XKR4: variants seen among roughly 807,000 people sequenced by gnomAD.
XKR4 encodes the protein XK related 4, also known as XK-related protein 4.
XKR4 carries 12 observed loss-of-function variants against 53.9 expected under a neutral mutation model. The observed-to-expected ratio is 0.22, with a 90% CI of 0.14 to 0.36. XKR4 has a LOEUF of 0.36. XKR4 is among the 10% of genes least tolerant of loss of function. The pLI is 1.00. For missense variants in XKR4, 799 were observed against 859.5 expected (o/e 0.93, Z 0.88); for synonymous variants, 354 against 362.4 (o/e 0.98, Z 0.26).
intron 2 of XKR4, among the ~76,000 whole-genome samples, chr8:55,482,815 TA>T (rs1806132176): frequency 6.6e-6 from 1 of 152,218 alleles, no homozygotes; most frequent in African/African-American, 2.4e-5. Flanking sequence ...ACAGAATTTT[TA>T]TTTTTCATTA....
chr8:55,442,168 C>T (rs1242039343), intron 2 of XKR4, among the ~76,000 whole-genome samples: 1 of 151,958 alleles, frequency 6.6e-6, no homozygotes, highest in East Asian at 1.9e-4. Flanking sequence ...AATATATTTG[C>T]TGAAGAAAAG....
At chr8:55,301,772 C>T (rs1194667908) in intron 1 of XKR4, among the ~76,000 whole-genome samples, 1 of 152,094 alleles carries the variant, frequency 6.6e-6, no homozygotes, top group Non-Finnish European at 1.5e-5. Flanking sequence ...TTTCATGTGT[C>T]TTTTGGCTGC....
chr8:55,170,398 C>T (rs1038638119), intron 1 of XKR4, among the ~76,000 whole-genome samples: 7 of 152,146 alleles, frequency 4.6e-5, no homozygotes, highest in Admixed American at 1.3e-4. Flanking sequence ...GAGTCACAGG[C>T]ATGCTGTGGA....
intron 1 of XKR4, among the ~76,000 whole-genome samples, chr8:55,268,702 G>A (rs1818646268): frequency 6.6e-6 from 1 of 152,084 alleles, no homozygotes; most frequent in African/African-American, 2.4e-5. Flanking sequence ...ACCTAGCTTT[G>A]AGTGCATTGT....
chr8:55,193,303 T>A lies in XKR4; in HGVS notation c.806+90009T>A, dbSNP rs567375818. On this transcript the variant is annotated intron_variant, in intron 1 of 2. Transcript: ENST00000327381. ...TTCTCAGTCCCTTTCATGCCTTCTC[T>A]CTGTGGTTCCCTTGTTTTTCGCTTG... is the stretch of plus-strand genomic sequence containing the variant. Among the ~76,000 whole-genome samples the A allele has an allele frequency of 2.0e-5, 3 of 152,290 alleles. No homozygotes were observed. The East Asian group carries it at 5.8e-4, about 29-fold the overall frequency.
intron 1 of XKR4, among the ~76,000 whole-genome samples, chr8:55,256,408 C>T (rs111264405): frequency 6.6e-6 from 1 of 152,162 alleles, no homozygotes; most frequent in East Asian, 1.9e-4. Context: ...TTCTGGGAAA[C>T]TATTCAGTGG....
At chr8:55,131,548 C>T (rs548252452) in intron 1 of XKR4, among the ~76,000 whole-genome samples, 19 of 152,286 alleles carry the variant, frequency 1.2e-4, no homozygotes, top group African/African-American at 3.9e-4. Flanking sequence ...AGAGTCCTCT[C>T]GCCTTGCAGT....
At chr8:55,468,184 C>A (rs930949091) in intron 2 of XKR4, among the ~76,000 whole-genome samples, 4 of 151,918 alleles carry the variant, frequency 2.6e-5, no homozygotes, top group African/African-American at 9.7e-5. Flanking sequence ...TTATGTAAAC[C>A]AATTCTTAAC....
chr8:55,489,165 A>T (rs1289996776), intron 2 of XKR4, among the ~76,000 whole-genome samples: 1 of 152,208 alleles, frequency 6.6e-6, no homozygotes, highest in East Asian at 1.9e-4. Context: ...TAATGTATTC[A>T]TATTGGCTCA....
chr8:55,192,745 G>A (rs1326838485), intron 1 of XKR4, among the ~76,000 whole-genome samples: 2 of 152,100 alleles, frequency 1.3e-5, no homozygotes, highest in Admixed American at 1.3e-4. Context: ...AGATTTGTGG[G>A]GCAAATGGGG....
rs1219123362 is a variant in XKR4, at chr8:55,527,166, AG to A, written c.*2940del. ...GATGCACAGATAACAGAGAGTTTAA[AG>A]TATTCAGATTTAAAGAGACATCATC... is the stretch of plus-strand genomic sequence containing the variant. On this transcript the variant is annotated 3_prime_UTR_variant, in exon 3 of 3. Coordinates refer to ENST00000327381, the MANE Select transcript of XKR4 (RefSeq NM_052898.2). The A allele has an allele frequency of 6.6e-6, 1 of 152,194 alleles. No homozygotes were observed. The highest frequency in any genetic ancestry group is 1.5e-5 in the Non-Finnish European group (1 of 68,032). 9.4% of individuals were successfully genotyped at this position (152,194 alleles called of 1,614,324 possible).
At chr8:55,174,410 C>A (rs1817203039) in intron 1 of XKR4, among the ~76,000 whole-genome samples, 1 of 152,124 alleles carries the variant, frequency 6.6e-6, no homozygotes, top group Non-Finnish European at 1.5e-5. Flanking sequence ...TCACAAAGAA[C>A]TAAAGGATGT....
At chr8:55,301,534 T>A (rs1156676577) in intron 1 of XKR4, among the ~76,000 whole-genome samples, 1 of 152,130 alleles carries the variant, frequency 6.6e-6, no homozygotes, top group Non-Finnish European at 1.5e-5. Flanking sequence ...CTGGGTCAAA[T>A]GGTATTTCTA....
Position 55,103,046 on chromosome 8 carries a change from G to A in XKR4, c.558G>A (p.Pro186=), listed in dbSNP as rs1398406073. 1.2e-6 allele frequency: 2 copies of A among 1,612,422 alleles called. No homozygotes were observed. The highest frequency in any genetic ancestry group is 1.7e-5 in the Admixed American group (1 of 59,974). ...CGGCCGCTGCTGCCTCCAGCTGCCC[G>A]CAGCCTGGAGCCGATTGCAAGACGG... ...SATAAAASSC[P]QPGADCKTVV... Residue 186 remains proline, a synonymous_variant, in exon 1 of 3, where the codon CCG becomes CCA. Coordinates refer to ENST00000327381, the MANE Select transcript of XKR4 (RefSeq NM_052898.2).
intron 1 of XKR4, among the ~76,000 whole-genome samples, chr8:55,340,145 A>T (rs1368753086): frequency 1.3e-5 from 2 of 152,260 alleles, no homozygotes; most frequent in African/African-American, 4.8e-5. Context: ...GATATGGCAC[A>T]AAAGGAAGGT....
rs908597403 is a variant in XKR4 at position 55,538,264 on chromosome 8, T to C, written c.*14037T>C. On this transcript the variant is annotated 3_prime_UTR_variant, in exon 3 of 3. Coordinates refer to ENST00000327381, the MANE Select transcript of XKR4 (RefSeq NM_052898.2). ...CTCACCCTCAGCCTCATTTTCCCCA[T>C]ATGCAAAAGAGAGATATTTATTTAC... 10 of 152,142 alleles carry C rather than the reference T, an allele frequency of 6.6e-5. No individual in the cohort carries two copies. The highest frequency in any genetic ancestry group is 2.4e-4 in the African/African-American group (10 of 41,414). 9.4% of individuals were successfully genotyped at this position (152,142 alleles called of 1,614,324 possible).
At chr8:55,502,929 G>T (rs1006096700) in intron 2 of XKR4, among the ~76,000 whole-genome samples, 2 of 151,978 alleles carry the variant, frequency 1.3e-5, no homozygotes, top group Non-Finnish European at 2.9e-5. Context: ...TTTTGCATAT[G>T]TTTTCCCAGA....
intron 1 of XKR4, among the ~76,000 whole-genome samples, chr8:55,307,823 G>T (rs1819326613): frequency 6.6e-6 from 1 of 152,186 alleles, no homozygotes; most frequent in African/African-American, 2.4e-5. Flanking sequence ...AGGATGTGAA[G>T]AATCCAGATC....
At chr8:55,389,866 T>A (rs1804418828) in intron 2 of XKR4, among the ~76,000 whole-genome samples, 1 of 152,192 alleles carries the variant, frequency 6.6e-6, no homozygotes, top group African/African-American at 2.4e-5. Context: ...TGTCCTCAGG[T>A]TCCTAGTGCC....
Sources: gnomAD v4.1 joint callset for allele counts (sites outside exome capture counted in the v4.1 genomes callset) on GRCh38, gnomAD v4.1.1 for gene constraint, MANE v1.5 for transcripts, NCBI Gene and HGNC (gene_info 2026-07-23, HGNC 2026-07-21) for gene names.